The following NFATC3 variants were observed in gnomAD, a reference collection of about 807,000 sequenced individuals.
NFATC3 encodes nuclear factor of activated T-cells, cytoplasmic 3.
In NFATC3, 46 loss-of-function variants were observed where a neutral mutation model predicts 98.6. The ratio of observed to expected loss-of-function variants is 0.47; its 90% CI spans 0.37 to 0.60. The LOEUF (loss-of-function observed/expected upper bound fraction) is 0.60, where lower values mean the gene tolerates loss of function less well. NFATC3 is among the 20% of genes least tolerant of loss of function. The probability of loss-of-function intolerance (pLI) is 0.00; values close to 1 mark genes in which losing one functional copy is unlikely to be tolerated. For synonymous variants in NFATC3, 512 were observed against 472.2 expected, an observed-to-expected ratio of 1.08 and a Z score of -1.09; for missense variants, 1,256 against 1,295.5, an observed-to-expected ratio of 0.97 and a Z score of 0.47.
At chr16:68,176,951 T>G (rs2039738162) in intron 6 of NFATC3, among the ~76,000 whole-genome samples, 1 of 152,126 alleles carries the variant, frequency 6.6e-6, no homozygotes, top group Non-Finnish European at 1.5e-5. Flanking sequence ...ATATTTCTAT[T>G]TGTGGTTGTA....
chr16:68,165,294 TCTC>T (rs779192970), intron 4 of NFATC3, among the ~76,000 whole-genome samples: 5 of 152,098 alleles, frequency 3.3e-5, no homozygotes, highest in East Asian at 1.9e-4. Context: ...AAAAAATTCT[TCTC>T]CTGTGTCTTT....
At chr16:68,184,600 G>C (rs1244497371) in intron 8 of NFATC3, among the ~76,000 whole-genome samples, 1 of 152,010 alleles carries the variant, frequency 6.6e-6, no homozygotes, top group Non-Finnish European at 1.5e-5. Flanking sequence ...TCAGGAGATC[G>C]AGACCATCCT....
At chr16:68,197,449 A>G (rs956077201) in intron 9 of NFATC3, among the ~76,000 whole-genome samples, 7 of 152,148 alleles carry the variant, frequency 4.6e-5, no homozygotes, top group African/African-American at 1.4e-4. Flanking sequence ...ATGCCCTGCT[A>G]ATAGTTAACT....
intron 3 of NFATC3, among the ~76,000 whole-genome samples, chr16:68,148,263 G>T (rs977088935): frequency 8.5e-5 from 13 of 152,116 alleles, no homozygotes; most frequent in Admixed American, 7.9e-4. Context: ...TGATCCACCT[G>T]CCTAGGCCTC....
intron 9 of NFATC3, among the ~76,000 whole-genome samples, chr16:68,209,178 T>C (rs1290419666): frequency 6.6e-6 from 1 of 152,208 alleles, no homozygotes. Flanking sequence ...CTTTGTTTAT[T>C]GAATGTTTTC....
chr16:68,116,869 TAAGTA>T (rs1372467511), intron 1 of NFATC3, among the ~76,000 whole-genome samples: 1 of 152,196 alleles, frequency 6.6e-6, no homozygotes. Flanking sequence ...AGTACATTCT[TAAGTA>T]AAGGAAAAAG....
At chr16:68,128,298 A>T (rs943599765) in intron 3 of NFATC3, among the ~76,000 whole-genome samples, 1 of 152,122 alleles carries the variant, frequency 6.6e-6, no homozygotes, top group Non-Finnish European at 1.5e-5. Context: ...TTACGTATAA[A>T]GATTTACATT....
chr16:68,122,320 G>C lies in NFATC3; in HGVS notation c.437G>C (p.Arg146Thr), dbSNP rs767704241. Residue 146 changes from arginine (R) to threonine (T), a missense_variant, in exon 2 of 10, where the codon AGA becomes ACA. By Grantham distance (71) the Arg-to-Thr change is moderately conservative. Transcript: ENST00000346183. ...CGGGAATTTTTGGAAAGGCCTTCTA[G>C]AGATCATCTCTATCTTCCTCTTGAG... Reference protein sequence around the residue: ...PEREFLERPSRDHLYLPLEPS... With the variant: ...PEREFLERPSTDHLYLPLEPS... 9.9e-6 allele frequency: 16 copies of C among 1,614,138 alleles called. No homozygotes were observed. In the South Asian group the frequency reaches 1.8e-4, roughly 18 times the overall value.
chr16:68,156,001 CAG>C (rs2038593456), intron 3 of NFATC3, among the ~76,000 whole-genome samples: 1 of 152,112 alleles, frequency 6.6e-6, no homozygotes, highest in African/African-American at 2.4e-5. Flanking sequence ...TTCATTAGGG[CAG>C]AGACAGTTTT....
chr16:68,127,103 T>C (rs2036873781), intron 3 of NFATC3, among the ~76,000 whole-genome samples: 1 of 151,884 alleles, frequency 6.6e-6, no homozygotes, highest in Admixed American at 6.6e-5. Flanking sequence ...ATCCCAGCTC[T>C]GCGGCAGGCT....
chr16:68,085,502 C>T lies in NFATC3; in HGVS notation c.-180C>T. 1 of 518,844 alleles carries T rather than the reference C, an allele frequency of 1.9e-6. No homozygotes were observed. The highest frequency in any genetic ancestry group is 3.3e-6 in the Non-Finnish European group (1 of 304,226). 32.1% of individuals were successfully genotyped at this position (518,844 alleles called of 1,614,324 possible). The stretch of plus-strand genomic sequence containing the variant: ...GCGGTTCCTGGTGCTGCTCGGCGCG[C>T]GGCCAGCTTTCGGAACGGAACGCTC... On this transcript the variant is annotated 5_prime_UTR_variant, in exon 1 of 10. Transcript: ENST00000346183.
intron 2 of NFATC3, 74 bp downstream of exon 2, chr16:68,123,195 G>T (rs567475717): frequency 7.0e-7 from 1 of 1,420,104 alleles, no homozygotes; most frequent in East Asian, 2.3e-5. Flanking sequence ...TACATTATCA[G>T]TATATAATGG....
intron 3 of NFATC3, 128 bp downstream of exon 3, chr16:68,126,738 G>A: frequency 3.6e-6 from 3 of 829,682 alleles, no homozygotes; most frequent in Non-Finnish European, 5.5e-6. Context: ...TGTTGTTTTG[G>A]GGGCTTGTTG....
rs187649548 is a variant in NFATC3, at chr16:68,143,500, A to C, written c.1402-14369A>C. On this transcript the variant is annotated intron_variant, in intron 3 of 9. Coordinates refer to ENST00000346183, the MANE Select transcript of NFATC3 (RefSeq NM_173165.3). ...CCCATAAGGCAAAAGAATAAACCTT[A>C]ACCCAAACCTCACATCTTTCTCAAA... Among the ~76,000 whole-genome samples, 102 of 152,306 alleles carry C rather than the reference A, an allele frequency of 6.7e-4. 4 individuals are homozygous for C. The highest frequency in any genetic ancestry group is 6.6e-3 in the Admixed American group (101 of 15,278).
intron 9 of NFATC3, among the ~76,000 whole-genome samples, chr16:68,220,824 CAAG>C (rs2041837613): frequency 6.7e-6 from 1 of 149,920 alleles, no homozygotes; most frequent in South Asian, 2.1e-4. Flanking sequence ...GAGGCTGAGA[CAAG>C]AGAATGGCGT....
intron 4 of NFATC3, among the ~76,000 whole-genome samples, chr16:68,165,392 CTTTTTT>C (rs869025719): frequency 9.6e-6 from 1 of 104,402 alleles, no homozygotes. Context: ...TTTTCTTTTT[CTTTTTT>C]TTTTTTTTTT....
At position 68,163,398 on chromosome 16, in the gene NFATC3, G is replaced by A. The variant is rs371589777; in HGVS notation, c.1602-3445G>A. Among the ~76,000 whole-genome samples, 38 of 149,282 alleles carry A rather than the reference G, an allele frequency of 2.5e-4. No individual in the cohort carries two copies. In the East Asian group the frequency reaches 6.9e-3, roughly 27 times the overall value. On this transcript the variant is annotated intron_variant, in intron 4 of 9. Transcript: ENST00000346183. Reference sequence around the variant, plus strand: ...CCACCACCTCCCTCCCGGACGGGGCGGCTGGCCGGGCAGAGGGGCTTCTCA... The same window carrying A: ...CCACCACCTCCCTCCCGGACGGGGCAGCTGGCCGGGCAGAGGGGCTTCTCA...
At chr16:68,192,251 A>ATATATATATGTATG (rs1427447833) in intron 9 of NFATC3, 8 of 109,110 alleles carry the variant, frequency 7.3e-5, no homozygotes, top group African/African-American at 2.5e-4. Flanking sequence ...ATATATATAT[A>ATATATATATGTATG]TATGTATGTG....
chr16:68,226,174 G>A (rs1187200778), intron 9 of NFATC3, 176 bp from the exon 10 acceptor site: 3 of 635,958 alleles, frequency 4.7e-6, no homozygotes, highest in African/African-American at 3.9e-5. Context: ...AGAGTAGTTT[G>A]TGGAGCGATG....
Sources: allele counts gnomAD v4.1 joint callset (sites outside exome capture counted in the v4.1 genomes callset), GRCh38; gene constraint gnomAD v4.1.1; transcripts MANE v1.5; gene names NCBI Gene and HGNC (gene_info 2026-07-23, HGNC 2026-07-21).